NLGN4X: variants seen among roughly 807,000 people sequenced by gnomAD.
The protein encoded by NLGN4X is neuroligin-4, X-linked.
A neutral mutation model predicts 40.3 loss-of-function variants in NLGN4X; 3 were observed. That is an observed-to-expected ratio of 0.07 (90% CI 0.03 to 0.19). The LOEUF is 0.19. Among genes scored for constraint, NLGN4X ranks in the 10% least tolerant of loss-of-function variants. The pLI is 1.00. For missense variants in NLGN4X, 382 were observed against 708.3 expected, an observed-to-expected ratio of 0.54 and a Z score of 5.23; for synonymous variants, 270 against 306.8, an observed-to-expected ratio of 0.88 and a Z score of 1.25.
In NLGN4X at chrX:6,220,734, C is replaced by CTTTTTTTTT. The variant is rs774553248; in HGVS notation, c.-306+7798_-306+7806dup. On this transcript the variant is annotated intron_variant, in intron 1 of 5. Transcript: ENST00000381095. Reference sequence around the variant, plus strand: ...CCATCATAGGTAACTTTATAACTTTCTTTTTTTTTTTTTTTTTTTTTGAGA... The same window carrying CTTTTTTTTT: ...CCATCATAGGTAACTTTATAACTTTCTTTTTTTTTTTTTTTTTTTTTTTTTTTTTTGAGA... 2.0e-3 allele frequency among the ~76,000 whole-genome samples: 135 copies of CTTTTTTTTT among 66,733 alleles called. 2 individuals carry two copies. The highest frequency in any genetic ancestry group is 8.4e-3 in the African/African-American group (121 of 14,437). The allele number at this position is 66,733 out of a possible 115,157, so 57.9% of individuals were successfully genotyped here. A position where few individuals can be genotyped will look rare whatever the true frequency, so the allele number is the denominator to read the frequency against.
intron 2 of NLGN4X, among the ~76,000 whole-genome samples, chrX:6,119,059 C>T (rs1455885460): frequency 1.8e-5 from 2 of 112,020 alleles, no homozygotes; most frequent in African/African-American, 6.5e-5. Context: ...TATTTTTCTT[C>T]GTAGCAGGAA....
intron 2 of NLGN4X, among the ~76,000 whole-genome samples, chrX:6,083,615 C>G (rs1400227126): frequency 5.4e-5 from 6 of 111,752 alleles, no homozygotes; most frequent in African/African-American, 1.6e-4. Flanking sequence ...CAGTGGGCCA[C>G]AGGAAGACAG....
chrX:5,995,732 CT>C (rs1185496129), intron 3 of NLGN4X, among the ~76,000 whole-genome samples: 65 of 111,839 alleles, frequency 5.8e-4, no homozygotes, highest in African/African-American at 2.1e-3. Context: ...TGGTGATTCA[CT>C]GATATAAGGG....
chrX:5,925,160 T>A (rs969671958), intron 3 of NLGN4X, among the ~76,000 whole-genome samples: 1 of 111,856 alleles, frequency 8.9e-6, no homozygotes, highest in Non-Finnish European at 1.9e-5. Flanking sequence ...TCTACACTCA[T>A]CAACCACACT....
chrX:5,965,503 C>T (rs1177779097), intron 3 of NLGN4X, among the ~76,000 whole-genome samples: 1 of 112,085 alleles, frequency 8.9e-6, no homozygotes, highest in African/African-American at 3.2e-5. Context: ...TGGCATGGTC[C>T]TCAGTAGCTT....
intron 3 of NLGN4X, among the ~76,000 whole-genome samples, chrX:6,002,422 T>C (rs1302886979): frequency 8.9e-6 from 1 of 112,373 alleles, no homozygotes; most frequent in Non-Finnish European, 1.9e-5. Flanking sequence ...CCCGCCCCGT[T>C]CAGCTGGAAT....
At position 6,029,397 on chromosome X, in the gene NLGN4X, C is replaced by A; in HGVS notation, c.508G>T (p.Val170Phe). 8.3e-7 allele frequency: 1 copy of A among 1,210,762 alleles called. No individual in the cohort carries two copies. Among genetic ancestry groups the A allele is most frequent in the Non-Finnish European group, 1.1e-6 (1 of 894,985 alleles). ...HDQNSKKPVM[V>F]YIHGGSYMEG... ...ATGTAAGATCCCCCATGGATATAGACCATGACGGGCTTCTTACTGTTCTGA... is the reference window on the plus strand; with the variant it reads ...ATGTAAGATCCCCCATGGATATAGAACATGACGGGCTTCTTACTGTTCTGA... The change falls in exon 3 of 6, where the codon GTC becomes TTC. Residue 170 changes from valine (V) to phenylalanine (F), a missense_variant. By Grantham distance (50) the Val-to-Phe change is conservative (BLOSUM62 -1). Transcript: ENST00000381095.
chrX:5,993,040 T>G (rs1169496935), intron 3 of NLGN4X, among the ~76,000 whole-genome samples: 1 of 111,440 alleles, frequency 9.0e-6, no homozygotes, highest in African/African-American at 3.3e-5. Flanking sequence ...AAAGCTGCTT[T>G]CAGATAGCAC....
At chrX:6,118,259 G>T (rs1042997251) in intron 2 of NLGN4X, among the ~76,000 whole-genome samples, 1 of 110,983 alleles carries the variant, frequency 9.0e-6, no homozygotes, top group Admixed American at 9.6e-5. Flanking sequence ...ACATGCTCAT[G>T]TCTCCTGACC....
chrX:5,955,352 C>A (rs900351062), intron 3 of NLGN4X, among the ~76,000 whole-genome samples: 1 of 112,188 alleles, frequency 8.9e-6, no homozygotes, highest in East Asian at 2.8e-4. Flanking sequence ...TGCTCTTTTA[C>A]AGACAGATAT....
chrX:6,065,514 C>T (rs893906944), intron 2 of NLGN4X, among the ~76,000 whole-genome samples: 2 of 110,945 alleles, frequency 1.8e-5, no homozygotes, highest in African/African-American at 3.3e-5. Context: ...ACTATGAAAC[C>T]GAACTGCATA....
At chrX:6,132,486 TCTGGTCACCAC>T (rs2039702342) in intron 2 of NLGN4X, among the ~76,000 whole-genome samples, 1 of 111,521 alleles carries the variant, frequency 9.0e-6, no homozygotes, top group African/African-American at 3.3e-5. Flanking sequence ...CAGCAGCATC[TCTGGTCACCAC>T]CTACTCCATG....
chrX:6,188,413 G>A (rs189694917), intron 1 of NLGN4X, among the ~76,000 whole-genome samples: 1 of 111,795 alleles, frequency 8.9e-6, no homozygotes, highest in East Asian at 2.8e-4. Context: ...AGTGGAAGGA[G>A]CATATCATAG....
At chrX:6,129,219 T>C (rs1229080750) in intron 2 of NLGN4X, among the ~76,000 whole-genome samples, 2 of 112,520 alleles carry the variant, frequency 1.8e-5, no homozygotes, top group Non-Finnish European at 1.9e-5. Context: ...TCACATACAT[T>C]TGACAGATAA....
At chrX:5,966,291 G>A (rs940096184) in intron 3 of NLGN4X, among the ~76,000 whole-genome samples, 1 of 112,493 alleles carries the variant, frequency 8.9e-6, no homozygotes, top group Non-Finnish European at 1.9e-5. Flanking sequence ...CAGACTATGA[G>A]TATGAATATG....
At chrX:5,907,494 A>T (rs1438999419) in intron 4 of NLGN4X, among the ~76,000 whole-genome samples, 1 of 112,023 alleles carries the variant, frequency 8.9e-6, no homozygotes, top group Admixed American at 9.5e-5. Flanking sequence ...AGGCAGCATA[A>T]CCATCTACTG....
rs1569164836 is a variant in NLGN4X at position 5,978,312 on chromosome X, CTTTCTTTCTTTCTTTCTTTCTTTCTTTCT to C, written c.625+50939_625+50967del. On this transcript the variant is annotated intron_variant, in intron 3 of 5. Transcript: ENST00000381095. ...TCTTTCTTTCTTTCTTTCTTTCTTT[CTTTCTTTCTTTCTTTCTTTCTTTCTTTCT>C]TTCCCTTCCTTCTCTTTCTTTCTCT... Among the ~76,000 whole-genome samples, 317 of 92,635 alleles carry C rather than the reference CTTTCTTTCTTTCTTTCTTTCTTTCTTTCT, an allele frequency of 3.4e-3. 1 individual carries two copies. Among genetic ancestry groups the C allele is most frequent in the African/African-American group, 7.3e-3 (163 of 22,223 alleles). 80.4% of individuals were successfully genotyped at this position (92,635 alleles called of 115,157 possible).
At chrX:6,182,018 C>A (rs1407377059) in intron 1 of NLGN4X, among the ~76,000 whole-genome samples, 2 of 111,539 alleles carry the variant, frequency 1.8e-5, no homozygotes, top group Non-Finnish European at 3.8e-5. Flanking sequence ...ATCATTAGGA[C>A]CTCCACTGCA....
chrX:6,017,982 G>A (rs5961922), intron 3 of NLGN4X, among the ~76,000 whole-genome samples: 37,671 of 110,545 alleles, frequency 0.34, 5,363 homozygotes, highest in East Asian at 0.77. Flanking sequence ...CATTTACAAC[G>A]GGTTTATTGG....
Sources: allele counts gnomAD v4.1 joint callset (sites outside exome capture counted in the v4.1 genomes callset), GRCh38; gene constraint gnomAD v4.1.1; transcripts MANE v1.5; gene names NCBI Gene and HGNC (gene_info 2026-07-23, HGNC 2026-07-21).